The following MTSS1 variants were observed in gnomAD, a reference collection of about 807,000 sequenced individuals.
MTSS1 encodes the protein protein MTSS 1.
MTSS1 carries 18 observed loss-of-function variants against 79.0 expected under a neutral mutation model. That is an observed-to-expected ratio of 0.23 (90% CI 0.16 to 0.34). The LOEUF (loss-of-function observed/expected upper bound fraction) is 0.34, where lower values mean the gene tolerates loss of function less well. Among genes scored for constraint, MTSS1 ranks in the 10% least tolerant of loss-of-function variants. The pLI is 1.00. For missense variants in MTSS1, 815 were observed against 986.2 expected (o/e 0.83, Z 2.33); for synonymous variants, 341 against 368.6 (o/e 0.93, Z 0.86).
Position 124,562,968 on chromosome 8 carries a change from A to G in MTSS1, c.849T>C (p.Ser283=). 4.3e-6 allele frequency: 7 copies of G among 1,610,604 alleles called. No individual in the cohort carries two copies. The highest frequency in any genetic ancestry group is 5.1e-6 in the Non-Finnish European group (6 of 1,178,758). The change falls in exon 10 of 14, where the codon AGT becomes AGC. Residue 283 remains serine (S), a synonymous_variant. Transcript: ENST00000518547. ...VCSSLNSVNS[S]DSRSSGSHSH... ...AGTGGGAGCCGCTGGACCGGGAGTC[A>G]CTGCTGTTGACACTGTTCAGGCTGC...
intron 3 of MTSS1, among the ~76,000 whole-genome samples, chr8:124,607,331 G>A (rs776183694): frequency 2.0e-5 from 3 of 152,128 alleles, no homozygotes; most frequent in Admixed American, 6.5e-5. Flanking sequence ...TTGATTTCCC[G>A]GCCAAACTCA....
At chr8:124,577,167 C>T (rs951089526) in intron 6 of MTSS1, among the ~76,000 whole-genome samples, 5 of 152,198 alleles carry the variant, frequency 3.3e-5, no homozygotes, top group Non-Finnish European at 7.3e-5. Flanking sequence ...TACCTAGAAT[C>T]CTCAGTTATA....
chr8:124,567,133 T>C lies in MTSS1; in HGVS notation c.664A>G (p.Ile222Val), dbSNP rs1826673328. The part of the protein sequence containing the change: ...MLGEITHLQT[I>V]SEDLKSLTMD... ...GTCAGGCTTTTTAGATCTTCCGAGA[T>C]GGTCTGAAGGTGGGTTATTTCCCCT... Residue 222 changes from isoleucine (I) to valine (V), a missense_variant, in exon 8 of 14, where the codon ATC (isoleucine) becomes GTC (valine). By Grantham distance (29) the Ile-to-Val change is conservative (BLOSUM62 3). Coordinates refer to ENST00000518547, the MANE Select transcript of MTSS1 (RefSeq NM_014751.6). 6.2e-7 allele frequency: 1 copy of C among 1,614,192 alleles called. No homozygotes were observed. The highest frequency in any genetic ancestry group is 1.3e-5 in the African/African-American group (1 of 75,054).
At chr8:124,594,634 C>G (rs80220466) in intron 3 of MTSS1, among the ~76,000 whole-genome samples, 5,068 of 152,284 alleles carry the variant, frequency 0.033, 119 homozygotes, top group Middle Eastern at 0.054. Context: ...CTCTGTAGAA[C>G]AGGAAGCCCT....
Position 124,557,828 on chromosome 8 carries a change from C to T in MTSS1, c.1083G>A (p.Val361=), listed in dbSNP as rs1336436220. The change falls in exon 11 of 14, where the codon GTG becomes GTA. Residue 361 remains valine, a synonymous_variant. Transcript: ENST00000518547. The part of the protein sequence containing the change: ...SHYSLSSESH[V]GPTGAGLFPH... Reference sequence around the variant, plus strand: ...GGAAAAGGCCTGCACCCGTGGGCCCCACGTGGGACTCACTTGATAAACTAT... The same window carrying T: ...GGAAAAGGCCTGCACCCGTGGGCCCTACGTGGGACTCACTTGATAAACTAT... The T allele has an allele frequency of 6.2e-7, 1 of 1,603,438 alleles. No homozygotes were observed.
chr8:124,679,548 G>T (rs1825816114), intron 3 of MTSS1, among the ~76,000 whole-genome samples: 1 of 152,134 alleles, frequency 6.6e-6, no homozygotes, highest in African/African-American at 2.4e-5. Flanking sequence ...GGCCCCACTG[G>T]GCCAAAATCC....
intron 12 of MTSS1, 160 bp downstream of exon 12, chr8:124,556,072 G>A: frequency 6.5e-7 from 1 of 1,543,514 alleles, no homozygotes; most frequent in Non-Finnish European, 8.7e-7. Flanking sequence ...CCCACACAAG[G>A]TTTTTTTCCC....
chr8:124,612,598 G>GTGTGTGTGTGTGTGTGTGTGTGTGTGTT (rs1836047478), intron 3 of MTSS1, among the ~76,000 whole-genome samples: 1 of 149,174 alleles, frequency 6.7e-6, no homozygotes, highest in African/African-American at 2.5e-5. Flanking sequence ...GTGTGTGTGT[G>GTGTGTGTGTGTGTGTGTGTGTGTGTGTT]TGTGTGTGTG....
chr8:124,693,591 T>C (rs928361107), intron 3 of MTSS1, among the ~76,000 whole-genome samples: 2 of 152,322 alleles, frequency 1.3e-5, no homozygotes, highest in South Asian at 2.1e-4. Context: ...CCAGACTCAC[T>C]GATTAAAGCG....
chr8:124,700,188 A>G (rs1304583226), intron 2 of MTSS1, among the ~76,000 whole-genome samples: 2 of 152,156 alleles, frequency 1.3e-5, no homozygotes, highest in Non-Finnish European at 2.9e-5. Context: ...AGTTTTATAC[A>G]GGAGGAAAAC....
At position 124,728,030 on chromosome 8, in the gene MTSS1, C is replaced by A; in HGVS notation, c.-75G>T. The A allele has an allele frequency of 1.4e-6, 2 of 1,386,816 alleles. No individual in the cohort carries two copies. The highest frequency in any genetic ancestry group is 1.9e-5 in the Admixed American group (1 of 53,544). The allele number at this position is 1,386,816 out of a possible 1,614,324, so 85.9% of individuals were successfully genotyped here. On this transcript the variant is annotated 5_prime_UTR_variant, in exon 1 of 14. Coordinates refer to ENST00000518547, the MANE Select transcript of MTSS1 (RefSeq NM_014751.6). The surrounding 1 kb of genome is among the most constrained non-coding windows in gnomAD (Gnocchi z 6.1). ...CGCGCGGGGCCGGGGCTCGCTCACC[C>A]CAGAAGGAATTTCACCTTCCGAGAG...
chr8:124,713,731 T>C (rs972138375), intron 1 of MTSS1, among the ~76,000 whole-genome samples: 12 of 152,082 alleles, frequency 7.9e-5, no homozygotes, highest in African/African-American at 2.9e-4. Flanking sequence ...GCCTGTTTTC[T>C]TGTTTTGAGA....
chr8:124,723,063 C>T (rs185257287), intron 1 of MTSS1, among the ~76,000 whole-genome samples: 1 of 152,326 alleles, frequency 6.6e-6, no homozygotes, highest in East Asian at 1.9e-4. Context: ...AATTGACAGA[C>T]ATCATTTTAG....
intron 3 of MTSS1, among the ~76,000 whole-genome samples, chr8:124,612,634 A>ATCCCC (rs1836078517): frequency 2.9e-5 from 1 of 34,276 alleles, no homozygotes; most frequent in Non-Finnish European, 6.5e-5. Flanking sequence ...GTGTGTGTGT[A>ATCCCC]CGAGAGAGAA....
At chr8:124,667,622 C>A (rs990734824) in intron 3 of MTSS1, among the ~76,000 whole-genome samples, 4 of 151,248 alleles carry the variant, frequency 2.6e-5, no homozygotes, top group Admixed American at 2.6e-4. Context: ...CCAGCCTGGG[C>A]AACAGAAGCG....
At position 124,648,284 on chromosome 8, in the gene MTSS1, A is replaced by T. The variant is rs896017980; in HGVS notation, c.208+51242T>A. Among the ~76,000 whole-genome samples the T allele has an allele frequency of 8.0e-5, 12 of 149,224 alleles. No homozygotes were observed. The East Asian group carries it at 1.2e-3, about 15-fold the overall frequency. ...TGTTACTATTACCTAGTGTTTTTGA[A>T]TTTTTTTTTTTAAGTATTTCAACAC... On this transcript the variant is annotated intron_variant, in intron 3 of 13. Transcript: ENST00000518547.
chr8:124,664,271 G>A (rs1045758204), intron 3 of MTSS1, among the ~76,000 whole-genome samples: 2 of 152,110 alleles, frequency 1.3e-5, no homozygotes, highest in Non-Finnish European at 2.9e-5. Context: ...CAAGCCAATG[G>A]CCCTAATTAA....
chr8:124,585,119 T>G lies in MTSS1; in HGVS notation c.428A>C (p.Asp143Ala), dbSNP rs1428784237. 1 of 1,613,866 alleles carries G rather than the reference T, an allele frequency of 6.2e-7. No homozygotes were observed. Among genetic ancestry groups the G allele is most frequent in the South Asian group, 1.1e-5 (1 of 91,010 alleles). ...ARQEIKKKSS[D>A]TLKLQKKAKK... ...TGCTTTCTTCTGCAGTTTCAGCGTA[T>G]CCGAGGACTTCTTTTTTATCTCTTG... The change falls in exon 6 of 14, where the codon GAT (aspartate) becomes GCT (alanine). Residue 143 changes from aspartate to alanine, a missense_variant. Asp to Ala is a moderately radical substitution (Grantham distance 126). Around this residue, in one of 2 missense-constraint regions of MTSS1, gnomAD observed 225 missense variants for 365.4 expected, o/e 0.62. Transcript: ENST00000518547.
At chr8:124,596,635 A>C (rs7838755) in intron 3 of MTSS1, among the ~76,000 whole-genome samples, 35,803 of 152,176 alleles carry the variant, frequency 0.24, 6,147 homozygotes, top group African/African-American at 0.48. Flanking sequence ...TAACAAAGCA[A>C]CCCAAACTGG....
Sources: allele counts gnomAD v4.1 joint callset (sites outside exome capture counted in the v4.1 genomes callset), GRCh38; gene constraint gnomAD v4.1.1; regional missense constraint gnomAD v4.1.1; non-coding constraint Gnocchi (gnomAD v3.1); transcripts MANE v1.5; gene names NCBI Gene and HGNC (gene_info 2026-07-23, HGNC 2026-07-21).